ITGA8: variants seen among roughly 807,000 people sequenced by gnomAD.
ITGA8 encodes integrin alpha-8.
ITGA8 carries 91 observed loss-of-function variants against 142.3 expected under a neutral mutation model. The ratio of observed to expected loss-of-function variants is 0.64; its 90% CI spans 0.54 to 0.76. The LOEUF (loss-of-function observed/expected upper bound fraction) is 0.76, where lower values mean the gene tolerates loss of function less well. ITGA8 is among the 30% of genes least tolerant of loss of function. ITGA8 has a pLI of 0.00. For missense variants in ITGA8, 1,406 were observed against 1,327.7 expected (o/e 1.06, Z -0.92); for synonymous variants, 505 against 485.2 (o/e 1.04, Z -0.54).
chr10:15,669,462 G>A (rs1170239728), intron 8 of ITGA8, among the ~76,000 whole-genome samples: 4 of 152,064 alleles, frequency 2.6e-5, no homozygotes, highest in African/African-American at 4.8e-5. Flanking sequence ...CCATTGGTTC[G>A]AATTTCCTCC....
chr10:15,589,403 G>A (rs1832885009), intron 22 of ITGA8, among the ~76,000 whole-genome samples: 1 of 152,112 alleles, frequency 6.6e-6, no homozygotes, highest in Non-Finnish European at 1.5e-5. Context: ...TACACAGGGA[G>A]GAAAATGTTT....
intron 2 of ITGA8, among the ~76,000 whole-genome samples, chr10:15,710,872 G>A (rs1208115559): frequency 6.6e-6 from 1 of 152,176 alleles, no homozygotes; most frequent in Non-Finnish European, 1.5e-5. Flanking sequence ...CTGTTGCAGT[G>A]GTGTGTGCCC....
chr10:15,581,767 C>T (rs1041044048), intron 23 of ITGA8, among the ~76,000 whole-genome samples: 2 of 152,194 alleles, frequency 1.3e-5, no homozygotes, highest in Admixed American at 6.5e-5. Context: ...TCCTACATTT[C>T]AAGCCTTATT....
chr10:15,572,094 G>T, intron 25 of ITGA8, 117 bp downstream of exon 25: 1 of 749,678 alleles, frequency 1.3e-6, no homozygotes, highest in Non-Finnish European at 2.1e-6. Flanking sequence ...TCTGATCAAT[G>T]ATCACTGAAG....
Position 15,586,625 on chromosome 10 carries a change from C to T in ITGA8, c.2331G>A (p.Leu777=), listed in dbSNP as rs375848316. The T allele has an allele frequency of 3.0e-5, 49 of 1,613,182 alleles. No homozygotes were observed. Among genetic ancestry groups the T allele is most frequent in the Non-Finnish European group, 4.1e-5 (48 of 1,179,368 alleles). The change falls in exon 23 of 30, where the codon CTG becomes CTA. Residue 777 remains leucine, a synonymous_variant. Transcript: ENST00000378076. ...GCGCTACAGCAGTGATGTTGATTTG[C>T]AGGCTCACAAAATTGCTGTCTGGAT... The part of the protein sequence containing the change: ...KDNPDSNFVS[L]QINITAVAQV...
At chr10:15,548,038 T>G (rs544398871) in intron 27 of ITGA8, among the ~76,000 whole-genome samples, 8,290 of 152,060 alleles carry the variant, frequency 0.055, 736 homozygotes, top group African/African-American at 0.19. Flanking sequence ...TTTTTAAATT[T>G]GAAACTTTTA....
At chr10:15,536,287 G>C (rs192805027) in intron 27 of ITGA8, among the ~76,000 whole-genome samples, 1 of 151,910 alleles carries the variant, frequency 6.6e-6, no homozygotes, top group Non-Finnish European at 1.5e-5. Context: ...TTCCACCCTT[G>C]TTGGAAGGAA....
chr10:15,532,817 G>A (rs1833338228), intron 27 of ITGA8, among the ~76,000 whole-genome samples: 1 of 152,012 alleles, frequency 6.6e-6, no homozygotes, highest in African/African-American at 2.4e-5. Flanking sequence ...GTAAACTTAA[G>A]TAAATTATAT....
intron 26 of ITGA8, among the ~76,000 whole-genome samples, chr10:15,548,945 T>A (rs897845401): frequency 4.6e-5 from 7 of 152,164 alleles, no homozygotes; most frequent in African/African-American, 1.7e-4. Flanking sequence ...GCCTATATTA[T>A]CTCAAAGATC....
intron 20 of ITGA8, among the ~76,000 whole-genome samples, chr10:15,599,110 A>G (rs985263321): frequency 6.6e-6 from 1 of 152,056 alleles, no homozygotes; most frequent in Non-Finnish European, 1.5e-5. Flanking sequence ...TCTCACCTAA[A>G]GGTTAAAAGT....
chr10:15,694,030 A>G (rs1378289487), intron 2 of ITGA8, among the ~76,000 whole-genome samples: 3 of 150,446 alleles, frequency 2.0e-5, no homozygotes, highest in East Asian at 1.9e-4. Context: ...CAGCGTTACA[A>G]CTACATGAAG....
intron 20 of ITGA8, among the ~76,000 whole-genome samples, chr10:15,599,923 AAAAAC>A (rs1452112117): frequency 6.6e-6 from 1 of 152,138 alleles, no homozygotes; most frequent in African/African-American, 2.4e-5. Context: ...ACCATCTCAA[AAAAAC>A]AAAACAAAAC....
intron 27 of ITGA8, among the ~76,000 whole-genome samples, chr10:15,543,728 A>G (rs57451839): frequency 0.056 from 8,464 of 152,218 alleles, 758 homozygotes; most frequent in African/African-American, 0.19. Flanking sequence ...TTGATTTTAG[A>G]GGGTTGAATA....
At chr10:15,710,952 CA>C (rs1188026026) in intron 2 of ITGA8, among the ~76,000 whole-genome samples, 1 of 152,110 alleles carries the variant, frequency 6.6e-6, no homozygotes, top group Non-Finnish European at 1.5e-5. Context: ...ATATCATATT[CA>C]AATTTATGTC....
chr10:15,718,681 A>G, intron 2 of ITGA8, 85 bp downstream of exon 2: 1 of 1,549,404 alleles, frequency 6.5e-7, no homozygotes, highest in Non-Finnish European at 8.8e-7. Context: ...CGAGCAGCAC[A>G]CCAAGACAGC....
At chr10:15,561,221 ATATATATATATATG>A (rs1193000098) in intron 25 of ITGA8, among the ~76,000 whole-genome samples, 26 of 103,442 alleles carry the variant, frequency 2.5e-4, no homozygotes, top group East Asian at 1.1e-3. Flanking sequence ...ATATATATAT[ATATATATATATATG>A]TATATATATA....
At chr10:15,553,219 C>T (rs948625232) in intron 26 of ITGA8, among the ~76,000 whole-genome samples, 1 of 151,458 alleles carries the variant, frequency 6.6e-6, no homozygotes, top group African/African-American at 2.4e-5. Flanking sequence ...ATTGCACCAC[C>T]GCACTCCAGC....
chr10:15,607,391 TG>T (rs1453878356), intron 17 of ITGA8, among the ~76,000 whole-genome samples: 2 of 152,120 alleles, frequency 1.3e-5, no homozygotes, highest in Non-Finnish European at 2.9e-5. Context: ...TTATGTATTT[TG>T]GGGAGGAGGT....
chr10:15,561,209 CTATATATATATATA>C lies in ITGA8; in HGVS notation c.2638-3021_2638-3008del, dbSNP rs529527480. Among the ~76,000 whole-genome samples the C allele has an allele frequency of 2.4e-3, 280 of 116,960 alleles. 2 individuals carry two copies. The highest frequency in any genetic ancestry group is 9.8e-3 in the African/African-American group (265 of 27,004). The allele number at this position is 116,960 out of a possible 152,430, so 76.7% of individuals were successfully genotyped here. A position where few individuals can be genotyped will look rare whatever the true frequency, so the allele number is the denominator to read the frequency against. ...CTGGCCAAGTCTCCTTATCTGTTGG[CTATATATATATATA>C]TATATATATATGTATATATATATAT... is the stretch of plus-strand genomic sequence containing the variant. On this transcript the variant is annotated intron_variant, in intron 25 of 29. Transcript: ENST00000378076.
Sources: gnomAD v4.1 joint callset for allele counts (sites outside exome capture counted in the v4.1 genomes callset) on GRCh38, gnomAD v4.1.1 for gene constraint, MANE v1.5 for transcripts, NCBI Gene and HGNC (gene_info 2026-07-23, HGNC 2026-07-21) for gene names.